Variants in NR3C1 observed in about 807,000 individuals in gnomAD.
NR3C1 encodes nuclear receptor subfamily 3 group C member 1.
Under a neutral mutation model 74.0 loss-of-function variants are expected in NR3C1, and 14 were observed. The observed-to-expected ratio is 0.19, with a 90% CI of 0.12 to 0.30. The LOEUF is 0.30. NR3C1 is among the 10% of genes least tolerant of loss of function. The pLI is 1.00. For synonymous variants in NR3C1, 308 were observed against 332.5 expected, an observed-to-expected ratio of 0.93 and a Z score of 0.80; for missense variants, 695 against 909.8, an observed-to-expected ratio of 0.76 and a Z score of 3.04.
At chr5:143,402,174 T>C (rs1209347852) in intron 1 of NR3C1, among the ~76,000 whole-genome samples, 1 of 152,220 alleles carries the variant, frequency 6.6e-6, no homozygotes, top group African/African-American at 2.4e-5. Flanking sequence ...TCTGAGGCGA[T>C]AACGATCTCT....
chr5:143,380,449 G>A (rs756329803), intron 2 of NR3C1, among the ~76,000 whole-genome samples: 4 of 151,998 alleles, frequency 2.6e-5, no homozygotes, highest in Non-Finnish European at 5.9e-5. Context: ...GTATTATGAC[G>A]TTCAAAGTGT....
chr5:143,293,864 C>CTTTT, intron 7 of NR3C1: 2 of 810,868 alleles, frequency 2.5e-6, no homozygotes, highest in Non-Finnish European at 2.9e-6. Context: ...TGAAACCATT[C>CTTTT]TTTTTTTTTT....
intron 4 of NR3C1, among the ~76,000 whole-genome samples, chr5:143,309,610 C>T (rs988341373): frequency 6.6e-6 from 1 of 152,108 alleles, no homozygotes; most frequent in African/African-American, 2.4e-5. Context: ...AAACAAAACC[C>T]ATCCAGTTCT....
At chr5:143,415,364 G>C (rs2151957057) in intron 1 of NR3C1, among the ~76,000 whole-genome samples, 1 of 152,230 alleles carries the variant, frequency 6.6e-6, no homozygotes, top group East Asian at 1.9e-4. Flanking sequence ...GGGAAGGGGA[G>C]GATGGGGAGA....
intron 2 of NR3C1, among the ~76,000 whole-genome samples, chr5:143,370,581 G>A (rs1047120694): frequency 6.6e-6 from 1 of 152,174 alleles, no homozygotes; most frequent in African/African-American, 2.4e-5. Context: ...TAAGGGCACC[G>A]GCTACAGACT....
upstream of NR3C1, chr5:143,404,214 C>G: frequency 1.0e-6 from 1 of 985,420 alleles, no homozygotes; most frequent in South Asian, 4.7e-5. Flanking sequence ...GCCGCCGCCG[C>G]CGGGCCGAGT....
chr5:143,345,148 T>C (rs2151758523), intron 2 of NR3C1, among the ~76,000 whole-genome samples: 1 of 152,302 alleles, frequency 6.6e-6, no homozygotes, highest in East Asian at 1.9e-4. Context: ...GCTATGAGTA[T>C]AAGCTGCAGG....
intron 1 of NR3C1, among the ~76,000 whole-genome samples, chr5:143,419,412 A>T (rs1751098871): frequency 6.6e-6 from 1 of 152,200 alleles, no homozygotes; most frequent in Non-Finnish European, 1.5e-5. Context: ...CATTCCATGC[A>T]ATACTTTGGG....
intron 3 of NR3C1, 59 bp from the exon 4 acceptor site, chr5:143,310,272 G>C: frequency 8.4e-7 from 1 of 1,195,530 alleles, no homozygotes; most frequent in South Asian, 1.2e-5. Flanking sequence ...ATTTTATAAG[G>C]ACAGCCTCTG....
chr5:143,281,855 ACTTT>A lies in NR3C1; in HGVS notation c.*30_*33del, dbSNP rs769904760. On this transcript the variant is annotated 3_prime_UTR_variant, in exon 9 of 9. Coordinates refer to ENST00000394464, the MANE Select transcript of NR3C1 (RefSeq NM_000176.3). Reference sequence around the variant, plus strand: ...TTATACAATAAAAGCTATTAATTCGACTTTCTTTAAGGCAACCATTCTTATTAAG... The same window carrying A: ...TTATACAATAAAAGCTATTAATTCGACTTTAAGGCAACCATTCTTATTAAG... 27 of 1,600,284 alleles carry A rather than the reference ACTTT, an allele frequency of 1.7e-5. No individual in the cohort carries two copies. Among genetic ancestry groups the A allele is most frequent in the Admixed American group, 1.0e-4 (6 of 59,904 alleles).
chr5:143,314,693 C>T (rs1403854818), intron 2 of NR3C1, among the ~76,000 whole-genome samples: 2 of 152,130 alleles, frequency 1.3e-5, no homozygotes, highest in Non-Finnish European at 2.9e-5. Flanking sequence ...AGTGTCATTA[C>T]AATTCTACCC....
At chr5:143,398,505 G>A (rs1279112013) in intron 2 of NR3C1, among the ~76,000 whole-genome samples, 2 of 151,592 alleles carry the variant, frequency 1.3e-5, no homozygotes, top group African/African-American at 4.8e-5. Flanking sequence ...AGCTTTCACA[G>A]AAAAAGGATT....
At position 143,278,899 on chromosome 5, in the gene NR3C1, T is replaced by C. The variant is rs1185449091; in HGVS notation, c.*2990A>G. The C allele has an allele frequency of 6.4e-6, 1 of 156,878 alleles. No individual in the cohort carries two copies. Among genetic ancestry groups the C allele is most frequent in the East Asian group, 1.9e-4 (1 of 5,278 alleles). The allele number at this position is 156,878 out of a possible 1,614,324, so 9.7% of individuals were successfully genotyped here. ...ACACAAATCATGTTAGTTTTCCTTT[T>C]GGGGTGGCCAAGGTTTCCTCCCATA... On this transcript the variant is annotated 3_prime_UTR_variant, in exon 9 of 9. Coordinates refer to ENST00000394464, the MANE Select transcript of NR3C1 (RefSeq NM_000176.3).
chr5:143,288,731 T>G (rs896685415), intron 7 of NR3C1, among the ~76,000 whole-genome samples: 1 of 152,030 alleles, frequency 6.6e-6, no homozygotes. Flanking sequence ...CCTTGGCCTC[T>G]CAAAGTGGTG....
chr5:143,398,363 T>TG (rs1561776708), intron 2 of NR3C1, among the ~76,000 whole-genome samples: 13 of 150,596 alleles, frequency 8.6e-5, no homozygotes, highest in Middle Eastern at 3.2e-3. Flanking sequence ...TTGGTTTTTT[T>TG]TTTTTTTTTT....
chr5:143,287,700 AAAAG>A (rs1814813480), intron 7 of NR3C1, among the ~76,000 whole-genome samples: 1 of 152,206 alleles, frequency 6.6e-6, no homozygotes, highest in South Asian at 2.1e-4. Context: ...ATATCACAAG[AAAAG>A]AAAGTTGTAG....
intron 2 of NR3C1, among the ~76,000 whole-genome samples, chr5:143,322,780 A>G (rs1823653223): frequency 6.6e-6 from 1 of 152,194 alleles, no homozygotes; most frequent in Non-Finnish European, 1.5e-5. Flanking sequence ...CCTTCCCTCA[A>G]AGGCAAAGGC....
chr5:143,324,104 G>A (rs1436806244), intron 2 of NR3C1, among the ~76,000 whole-genome samples: 4 of 152,166 alleles, frequency 2.6e-5, no homozygotes, highest in Admixed American at 6.5e-5. Context: ...ACCATTCTGG[G>A]GTCTGGAGGA....
intron 2 of NR3C1, among the ~76,000 whole-genome samples, chr5:143,353,116 A>T (rs906506059): frequency 5.9e-5 from 9 of 152,154 alleles, no homozygotes; most frequent in African/African-American, 2.2e-4. Context: ...TCAAGAAAAA[A>T]ATTTATTTGC....
Sources: gnomAD v4.1 joint callset for allele counts (sites outside exome capture counted in the v4.1 genomes callset) on GRCh38, gnomAD v4.1.1 for gene constraint, MANE v1.5 for transcripts, NCBI Gene and HGNC (gene_info 2026-07-23, HGNC 2026-07-21) for gene names.